SLC35D4: variants seen among roughly 807,000 people sequenced by gnomAD.
The protein encoded by SLC35D4 is UDP-N-acetylglucosamine transporter SLC35D4.
the SLC35D4 span, among the ~76,000 whole-genome samples, chr18:23,314,534 T>A: frequency 6.6e-6 from 1 of 152,210 alleles, no homozygotes; most frequent in Non-Finnish European, 1.5e-5. Context: ...GTCTTTCTCA[T>A]ACATTACATT....
the SLC35D4 span, among the ~76,000 whole-genome samples, chr18:23,289,499 A>G: frequency 1.3e-5 from 2 of 151,726 alleles, no homozygotes; most frequent in Admixed American, 6.6e-5. Flanking sequence ...AATCTCTCCC[A>G]CTCTAGGTTC....
the SLC35D4 span, among the ~76,000 whole-genome samples, chr18:23,367,581 C>T: frequency 6.6e-6 from 1 of 152,128 alleles, no homozygotes; most frequent in African/African-American, 2.4e-5. Flanking sequence ...CCCTCTGTGG[C>T]ATCCTACACT....
chr18:23,294,577 T>G, the SLC35D4 span, among the ~76,000 whole-genome samples: 1 of 151,988 alleles, frequency 6.6e-6, no homozygotes, highest in South Asian at 2.1e-4. Flanking sequence ...GGGGGCAACA[T>G]AGTGAGACCC....
chr18:23,282,787 T>C, the SLC35D4 span, among the ~76,000 whole-genome samples: 54 of 152,132 alleles, frequency 3.5e-4, no homozygotes, highest in Non-Finnish European at 5.9e-4. Flanking sequence ...AAATGCAGAA[T>C]GCATGACCCT....
At chr18:23,276,450 A>G in the SLC35D4 span, among the ~76,000 whole-genome samples, 2 of 150,042 alleles carry the variant, frequency 1.3e-5, no homozygotes, top group African/African-American at 2.4e-5. Flanking sequence ...TTTTTTTAGA[A>G]AAAGGAAGAA....
the SLC35D4 span, among the ~76,000 whole-genome samples, chr18:23,355,034 C>T: frequency 2.0e-5 from 3 of 151,878 alleles, no homozygotes. Context: ...CCCTCCTGAG[C>T]CCCCCCAGAA....
the SLC35D4 span, among the ~76,000 whole-genome samples, chr18:23,359,868 C>T: frequency 6.6e-6 from 1 of 152,186 alleles, no homozygotes; most frequent in Non-Finnish European, 1.5e-5. Context: ...GGGGAAATTT[C>T]CTCTACTATA....
the SLC35D4 span, among the ~76,000 whole-genome samples, chr18:23,415,098 C>A: frequency 6.6e-6 from 1 of 152,108 alleles, no homozygotes; most frequent in African/African-American, 2.4e-5. Context: ...GGCAACAGAG[C>A]AAGACTCTGT....
At chr18:23,293,410 A>T in the SLC35D4 span, among the ~76,000 whole-genome samples, 31 of 152,272 alleles carry the variant, frequency 2.0e-4, no homozygotes, top group Admixed American at 2.0e-3. Flanking sequence ...CAATATATAA[A>T]AAATATTATT....
At chr18:23,354,637 A>G in the SLC35D4 span, among the ~76,000 whole-genome samples, 1 of 152,086 alleles carries the variant, frequency 6.6e-6, no homozygotes. Context: ...CCAAGGAAGT[A>G]ACAACTTCAC....
the SLC35D4 span, among the ~76,000 whole-genome samples, chr18:23,396,913 G>C: frequency 6.6e-6 from 1 of 150,932 alleles, no homozygotes; most frequent in Non-Finnish European, 1.5e-5. Flanking sequence ...TGCCAAAGTC[G>C]ATCTCTTCAT....
the SLC35D4 span, among the ~76,000 whole-genome samples, chr18:23,321,577 C>A: frequency 6.6e-6 from 1 of 152,142 alleles, no homozygotes; most frequent in African/African-American, 2.4e-5. Context: ...GTCTCAGCCT[C>A]CTGAGTAGCT....
At chr18:23,274,852 C>G in the SLC35D4 span, among the ~76,000 whole-genome samples, 1 of 152,226 alleles carries the variant, frequency 6.6e-6, no homozygotes. Context: ...CTGGAGCAGT[C>G]CCATCGCCTC....
At chr18:23,294,647 C>A in the SLC35D4 span, among the ~76,000 whole-genome samples, 1 of 151,948 alleles carries the variant, frequency 6.6e-6, no homozygotes, top group Non-Finnish European at 1.5e-5. Context: ...TAGTCCCAGG[C>A]ACTTGGGAGG....
the SLC35D4 span, among the ~76,000 whole-genome samples, chr18:23,272,206 A>C: frequency 6.6e-6 from 1 of 152,144 alleles, no homozygotes; most frequent in Non-Finnish European, 1.5e-5. Context: ...TCAGAACTGA[A>C]CTGTCTGGAG....
chr18:23,306,156 C>T, the SLC35D4 span, among the ~76,000 whole-genome samples: 1 of 151,824 alleles, frequency 6.6e-6, no homozygotes, highest in Non-Finnish European at 1.5e-5. Flanking sequence ...TGACTCCCAC[C>T]AGCCAGCATG....
the SLC35D4 span, among the ~76,000 whole-genome samples, chr18:23,313,126 CAAAAA>C: frequency 4.1e-4 from 12 of 29,488 alleles, no homozygotes; most frequent in South Asian, 6.1e-3. Flanking sequence ...GACTACATCT[CAAAAA>C]AAAAAAAAAA....
chr18:23,249,742 G>A, the SLC35D4 span, among the ~76,000 whole-genome samples: 1 of 152,136 alleles, frequency 6.6e-6, no homozygotes, highest in African/African-American at 2.4e-5. Flanking sequence ...TGCTGAAGGT[G>A]GACCTGACCC....
the SLC35D4 span, among the ~76,000 whole-genome samples, chr18:23,302,418 C>G: frequency 6.6e-6 from 1 of 152,132 alleles, no homozygotes; most frequent in Non-Finnish European, 1.5e-5. Context: ...GGGGGTGCTA[C>G]CGGCATCTAG....
Sources: gnomAD v4.1 joint callset for allele counts (sites outside exome capture counted in the v4.1 genomes callset) on GRCh38, gnomAD v4.1.1 for gene constraint, MANE v1.5 for transcripts, NCBI Gene and HGNC (gene_info 2026-07-23, HGNC 2026-07-21) for gene names.